The following IQGAP2 variants were observed in gnomAD, a reference collection of about 807,000 sequenced individuals.
IQGAP2 encodes the protein IQ motif containing GTPase activating protein 2.
IQGAP2 carries 173 observed loss-of-function variants against 201.3 expected under a neutral mutation model. The observed-to-expected ratio is 0.86, with a 90% CI of 0.76 to 0.98. The LOEUF (loss-of-function observed/expected upper bound fraction) is 0.98, where lower values mean the gene tolerates loss of function less well. IQGAP2 is among the 50% of genes least tolerant of loss of function. The pLI is 0.00. For synonymous variants in IQGAP2, 675 were observed against 673.9 expected (o/e 1.00, Z -0.03); for missense variants, 1,687 against 1,864.8 (o/e 0.90, Z 1.76).
Position 76,455,403 on chromosome 5 carries a change from A to T in IQGAP2, c.47-6167A>T, listed in dbSNP as rs532161342. 2.0e-5 allele frequency among the ~76,000 whole-genome samples: 3 copies of T among 150,380 alleles called. No individual in the cohort carries two copies. The South Asian group carries it at 6.3e-4, about 32-fold the overall frequency. On this transcript the variant is annotated intron_variant, in intron 1 of 35. Transcript: ENST00000274364. Reference sequence around the variant, plus strand: ...AGGAGGCAGAGGTTGCAGTGAGCCAAGATCGTACTACTGCACTCCAGCCTG... The same window carrying T: ...AGGAGGCAGAGGTTGCAGTGAGCCATGATCGTACTACTGCACTCCAGCCTG...
chr5:76,492,517 C>G (rs1031948094), intron 2 of IQGAP2, among the ~76,000 whole-genome samples: 5 of 152,144 alleles, frequency 3.3e-5, no homozygotes, highest in African/African-American at 1.2e-4. Context: ...AAGGTTGGAG[C>G]AGAGATTTCC....
At chr5:76,515,867 G>T (rs1021450753) in intron 2 of IQGAP2, among the ~76,000 whole-genome samples, 2 of 147,304 alleles carry the variant, frequency 1.4e-5, no homozygotes, top group Non-Finnish European at 3.0e-5. Flanking sequence ...GAACAAGGGG[G>T]TGATCTTTTT....
chr5:76,683,994 C>T, intron 30 of IQGAP2, 77 bp downstream of exon 30: 1 of 1,286,560 alleles, frequency 7.8e-7, no homozygotes, highest in Non-Finnish European at 1.1e-6. Flanking sequence ...GGCTAAATCC[C>T]AACTAATTTA....
intron 1 of IQGAP2, among the ~76,000 whole-genome samples, chr5:76,444,019 G>A (rs1479087477): frequency 6.7e-6 from 1 of 150,348 alleles, no homozygotes; most frequent in African/African-American, 2.4e-5. Context: ...CCCTCCAAGT[G>A]TATTGTAAAG....
At chr5:76,573,777 AT>A (rs59411410) in intron 4 of IQGAP2, among the ~76,000 whole-genome samples, 9,350 of 126,126 alleles carry the variant, frequency 0.074, 508 homozygotes, top group East Asian at 0.38. Context: ...ATGCCCAGCT[AT>A]TTTTTTTTTT....
intron 2 of IQGAP2, among the ~76,000 whole-genome samples, chr5:76,548,691 A>C (rs926266530): frequency 6.6e-6 from 1 of 152,210 alleles, no homozygotes; most frequent in Admixed American, 6.5e-5. Flanking sequence ...TCATCAGATT[A>C]GTGTGAGAAT....
intron 2 of IQGAP2, among the ~76,000 whole-genome samples, chr5:76,494,546 C>T (rs887718381): frequency 4.6e-5 from 7 of 152,074 alleles, no homozygotes; most frequent in South Asian, 2.1e-4. Context: ...CCTCTTAATT[C>T]GAGAACTAAA....
intron 2 of IQGAP2, among the ~76,000 whole-genome samples, chr5:76,517,098 C>A (rs981205794): frequency 7.2e-5 from 11 of 152,092 alleles, no homozygotes; most frequent in African/African-American, 2.7e-4. Flanking sequence ...AGTAGTAATT[C>A]TGATTGTCTA....
At chr5:76,643,338 CAAAA>C (rs1359900453) in intron 17 of IQGAP2, among the ~76,000 whole-genome samples, 1 of 152,138 alleles carries the variant, frequency 6.6e-6, no homozygotes, top group South Asian at 2.1e-4. Flanking sequence ...GGAGCAGACA[CAAAA>C]AACTTCAGAA....
chr5:76,609,843 G>A (rs62362041), intron 12 of IQGAP2, among the ~76,000 whole-genome samples: 177 of 72,462 alleles, frequency 2.4e-3, no homozygotes, highest in South Asian at 6.4e-3. Context: ...ATATATATAT[G>A]TGTGTGTGTG....
At chr5:76,683,664 C>A in intron 29 of IQGAP2, 112 bp from the exon 30 acceptor site, 1 of 949,144 alleles carries the variant, frequency 1.1e-6, no homozygotes, top group Non-Finnish European at 1.5e-6. Flanking sequence ...AGACCATGAT[C>A]TCCCATTTAA....
chr5:76,525,551 G>C (rs934603468), intron 2 of IQGAP2, among the ~76,000 whole-genome samples: 1 of 152,064 alleles, frequency 6.6e-6, no homozygotes, highest in African/African-American at 2.4e-5. Context: ...TGTGAGGCAG[G>C]CTGGGTGGCA....
At chr5:76,510,618 A>G (rs1757904809) in intron 2 of IQGAP2, 27 of 516,528 alleles carry the variant, frequency 5.2e-5, no homozygotes, top group South Asian at 3.9e-4. Flanking sequence ...TCTAGATCAG[A>G]GGGGCCCAGG....
At chr5:76,693,683 G>A in intron 31 of IQGAP2, 2 of 361,124 alleles carry the variant, frequency 5.5e-6, no homozygotes, top group African/African-American at 2.1e-5. Flanking sequence ...TCTTAACCTA[G>A]GATGATAGTT....
intron 2 of IQGAP2, among the ~76,000 whole-genome samples, chr5:76,540,690 C>T (rs1742705690): frequency 6.6e-6 from 1 of 152,210 alleles, no homozygotes; most frequent in African/African-American, 2.4e-5. Context: ...CCTATAGTGC[C>T]TTTTCAAGAA....
intron 5 of IQGAP2, among the ~76,000 whole-genome samples, chr5:76,581,394 C>T (rs532937972): frequency 6.6e-6 from 1 of 152,296 alleles, no homozygotes; most frequent in Non-Finnish European, 1.5e-5. Context: ...GGCTCTAATC[C>T]TAGGTTCTCA....
intron 12 of IQGAP2, chr5:76,607,003 T>TG (rs1417635144): frequency 6.6e-6 from 1 of 152,004 alleles, no homozygotes; most frequent in Non-Finnish European, 1.5e-5. Flanking sequence ...CCATCTTCTG[T>TG]GGCTTATGAG....
intron 4 of IQGAP2, among the ~76,000 whole-genome samples, chr5:76,573,777 A>ATTT (rs59411410): frequency 1.6e-5 from 2 of 126,154 alleles, no homozygotes; most frequent in African/African-American, 2.9e-5. Flanking sequence ...ATGCCCAGCT[A>ATTT]TTTTTTTTTT....
chr5:76,407,362 G>A (rs535010095), intron 1 of IQGAP2, among the ~76,000 whole-genome samples: 1 of 152,296 alleles, frequency 6.6e-6, no homozygotes, highest in South Asian at 2.1e-4. Context: ...GGGGTGGTCA[G>A]TGCAACTAAA....
Sources: gnomAD v4.1 joint callset for allele counts (sites outside exome capture counted in the v4.1 genomes callset) on GRCh38, gnomAD v4.1.1 for gene constraint, MANE v1.5 for transcripts, NCBI Gene and HGNC (gene_info 2026-07-23, HGNC 2026-07-21) for gene names.